ZNF878: variants seen among roughly 807,000 people sequenced by gnomAD.
ZNF878 encodes zinc finger protein 878.
A neutral mutation model predicts 11.1 loss-of-function variants in ZNF878; 10 were observed. That is an observed-to-expected ratio of 0.90 (90% CI 0.56 to 1.53). The LOEUF is 1.53. ZNF878 is among the 40% of genes most tolerant of loss of function. The probability of loss-of-function intolerance (pLI) is 0.00; values close to 1 mark genes in which losing one functional copy is unlikely to be tolerated. For synonymous variants in ZNF878, 165 were observed against 209.7 expected (o/e 0.79, Z 1.84); for missense variants, 548 against 626.1 (o/e 0.88, Z 1.33).
chr19:12,048,214 T>TA (rs759364780), intron 1 of ZNF878, among the ~76,000 whole-genome samples: 100 of 152,120 alleles, frequency 6.6e-4, no homozygotes, highest in Non-Finnish European at 1.1e-3. Context: ...TACTTTGTGA[T>TA]AAAAGAAAAT....
intron 1 of ZNF878, among the ~76,000 whole-genome samples, chr19:12,050,285 A>T (rs1056409606): frequency 2.6e-5 from 4 of 152,122 alleles, no homozygotes; most frequent in African/African-American, 9.7e-5. Flanking sequence ...GAACACTAAG[A>T]CCCTTCACAA....
downstream of ZNF878, chr19:12,043,688 G>T: frequency 9.8e-7 from 1 of 1,021,586 alleles, no homozygotes; most frequent in Non-Finnish European, 1.4e-6. Flanking sequence ...CAATCCTCCT[G>T]CCTTGGCTTC....
In ZNF878 at chr19:12,045,006, A is replaced by G. The variant is rs1333502324; in HGVS notation, c.395T>C (p.Ile132Thr). 1.2e-6 allele frequency: 2 copies of G among 1,614,126 alleles called. No individual in the cohort carries two copies. The highest frequency in any genetic ancestry group is 4.5e-5 in the East Asian group (2 of 44,870). Residue 132 changes from isoleucine (I) to threonine (T), a missense_variant, in exon 4 of 4, where the codon ATA (isoleucine) becomes ACA (threonine). Physicochemically the swap from Ile to Thr is moderately conservative, Grantham distance 89. Transcript: ENST00000547628. ...RAFSYSSSLAIHGRTHTGEKP... is the reference protein window; with the variant it reads ...RAFSYSSSLATHGRTHTGEKP... ...TTCCCCAGTGTGAGTTCTTCCATGTATTGCAAGGCTACTGGAATAACTAAA... is the reference window on the plus strand; with the variant it reads ...TTCCCCAGTGTGAGTTCTTCCATGTGTTGCAAGGCTACTGGAATAACTAAA...
chr19:12,046,596 C>A (rs752321177), intron 2 of ZNF878, 38 bp downstream of exon 2: 2 of 1,613,288 alleles, frequency 1.2e-6, no homozygotes, highest in South Asian at 2.2e-5. Context: ...AACACCTGTT[C>A]TTTAATTCAC....
At position 12,046,739 on chromosome 19, in the gene ZNF878, C is replaced by T. The variant is rs1321259193; in HGVS notation, c.25G>A (p.Val9Met). The change falls in exon 2 of 4, where the codon GTG (valine) becomes ATG (methionine). Residue 9 changes from valine to methionine, a missense_variant. Coordinates refer to ENST00000547628, the MANE Select transcript of ZNF878 (RefSeq NM_001080404.3). MDSVAFED[V>M]AVNFTQEEWA... is the part of the protein sequence containing the mutation. ...TCCTCCTGGGTGAAGTTCACAGCCA[C>T]ATCCTCAAAGGCCACCGAATCCTGA... 6.2e-7 allele frequency: 1 copy of T among 1,614,048 alleles called. No homozygotes were observed. Among genetic ancestry groups the T allele is most frequent in the Non-Finnish European group, 8.5e-7 (1 of 1,179,978 alleles).
In ZNF878 at chr19:12,043,900, G is replaced by A. The variant is rs956910225; in HGVS notation, c.1501C>T (p.His501Tyr). The change falls in exon 4 of 4, where the codon CAT becomes TAT. Residue 501 changes from histidine to tyrosine, a missense_variant. Physicochemically the swap from His to Tyr is moderately conservative, Grantham distance 83 (BLOSUM62 2). Transcript: ENST00000547628. The part of the protein sequence containing the change: ...SNSFLYHERI[H>Y]TGEKPYECKQ... Reference sequence around the variant, plus strand: ...CACTCATAGGGTTTCTCTCCAGTATGAATCCTTTCATGGTAGAGAAAAGAG... The same window carrying A: ...CACTCATAGGGTTTCTCTCCAGTATAAATCCTTTCATGGTAGAGAAAAGAG... 3 of 1,613,982 alleles carry A rather than the reference G, an allele frequency of 1.9e-6. No individual in the cohort carries two copies. The highest frequency in any genetic ancestry group is 2.5e-6 in the Non-Finnish European group (3 of 1,180,012).
At position 12,045,208 on chromosome 19, in the gene ZNF878, T is replaced by G. The variant is rs1459143643; in HGVS notation, c.193A>C (p.Arg65=). The change falls in exon 4 of 4, where the codon AGA becomes CGA. Residue 65 remains arginine, a splice_region_variant and synonymous_variant. Coordinates refer to ENST00000547628, the MANE Select transcript of ZNF878 (RefSeq NM_001080404.3). ...EHQNPRRNLR[R]LIGERLSESK... ...TCAGAGAGTCTCTCCCCTATAAGTC[T>G]TCTGTGAACAATGAAAGCACATTAT... is the stretch of plus-strand genomic sequence containing the variant. The G allele has an allele frequency of 1.3e-6, 2 of 1,589,836 alleles. No individual in the cohort carries two copies. Among genetic ancestry groups the G allele is most frequent in the Non-Finnish European group, 1.7e-6 (2 of 1,169,214 alleles).
At position 12,045,720 on chromosome 19, in the gene ZNF878, C is replaced by CTTTA. The variant is rs540524357; in HGVS notation, c.192-515_192-512dup. ...AATATTGATACAGGGATTTTAAATGCTTTATTTATTTATTTATTTATTTAT... is the reference window on the plus strand; with the variant it reads ...AATATTGATACAGGGATTTTAAATGCTTTATTTATTTATTTATTTATTTATTTAT... On this transcript the variant is annotated intron_variant, in intron 3 of 3. Coordinates refer to ENST00000547628, the MANE Select transcript of ZNF878 (RefSeq NM_001080404.3). 2.4e-3 allele frequency among the ~76,000 whole-genome samples: 368 copies of CTTTA among 151,920 alleles called. 3 individuals carry two copies. Among genetic ancestry groups the CTTTA allele is most frequent in the South Asian group, 0.011 (55 of 4,800 alleles).
chr19:12,044,004 A>G lies in ZNF878; in HGVS notation c.1397T>C (p.Ile466Thr). ...AGTGTGAGTCCTTTTATGATAGCGA[A>G]TAGAATTAGAAGAAATGAAGGCTTT... ...CGKAFISSNS[I>T]RYHKRTHTGE... is the part of the protein sequence containing the mutation. The change falls in exon 4 of 4, where the codon ATT becomes ACT. Residue 466 changes from isoleucine (I) to threonine (T), a missense_variant. Physicochemically the swap from Ile to Thr is moderately conservative, Grantham distance 89. This residue lies in a region of ZNF878 where 335 missense variants were observed against 358.2 expected (regional missense o/e 0.94). Transcript: ENST00000547628. 1.2e-6 allele frequency: 2 copies of G among 1,610,640 alleles called. No homozygotes were observed. The highest frequency in any genetic ancestry group is 1.3e-5 in the African/African-American group (1 of 74,910).
Position 12,052,829 on chromosome 19 carries a change from C to A in ZNF878, c.-28G>T. 1 of 1,535,974 alleles carries A rather than the reference C, an allele frequency of 6.5e-7. No individual in the cohort carries two copies. Among genetic ancestry groups the A allele is most frequent in the South Asian group, 1.2e-5 (1 of 84,052 alleles). ...CCTGGCTTCCAGGTATTCTGGCGTC[C>A]TCTCTAAAGGTCCCGTGAACAGTGC... On this transcript the variant is annotated 5_prime_UTR_variant, in exon 1 of 4. In the 5' UTR this introduces an upstream ATG that the reference lacks. Coordinates refer to ENST00000547628, the MANE Select transcript of ZNF878 (RefSeq NM_001080404.3).
chr19:12,044,305 G>C lies in ZNF878; in HGVS notation c.1096C>G (p.Pro366Ala). Residue 366 changes from proline (P) to alanine (A), a missense_variant, in exon 4 of 4, where the codon CCC (proline) becomes GCC (alanine). By Grantham distance (27) the Pro-to-Ala change is conservative. Coordinates refer to ENST00000547628, the MANE Select transcript of ZNF878 (RefSeq NM_001080404.3). ...IHERTHTGEK[P>A]FECKQCGKTF... ...TTCCCACATTGTTTACATTCAAAGG[G>C]TTTCTCTCCAGTGTGTGTCCTTTCA... The C allele has an allele frequency of 2.5e-6, 4 of 1,612,860 alleles. No homozygotes were observed. The highest frequency in any genetic ancestry group is 3.4e-6 in the Non-Finnish European group (4 of 1,179,132).
intron 3 of ZNF878, 28 bp from the exon 4 acceptor site, chr19:12,045,237 G>C: frequency 1.3e-6 from 2 of 1,516,788 alleles, no homozygotes; most frequent in Non-Finnish European, 1.8e-6. Context: ...ACATTATAAT[G>C]GGTTTATCAC....
At chr19:12,045,895 A>ATTTTTT (rs937858093) in intron 3 of ZNF878, among the ~76,000 whole-genome samples, 8 of 151,580 alleles carry the variant, frequency 5.3e-5, no homozygotes, top group African/African-American at 1.9e-4. Flanking sequence ...AATTTCTCGT[A>ATTTTTT]TTTTTAGTAG....
At chr19:12,046,102 C>T (rs1975483697) in intron 3 of ZNF878, 1 of 402,158 alleles carries the variant, frequency 2.5e-6, no homozygotes, top group South Asian at 7.0e-5. Context: ...GGGTCTCACC[C>T]TGTGGCCCAG....
intron 1 of ZNF878, among the ~76,000 whole-genome samples, 197 bp from the exon 2 acceptor site, chr19:12,046,957 C>T (rs966603062): frequency 1.3e-5 from 2 of 152,126 alleles, no homozygotes; most frequent in Admixed American, 6.6e-5. Flanking sequence ...GAGTTGAACT[C>T]TGGATGGGGT....
chr19:12,052,659 G>T, intron 1 of ZNF878, 140 bp downstream of exon 1: 1 of 1,068,708 alleles, frequency 9.4e-7, no homozygotes. Flanking sequence ...CGAGGGGACC[G>T]AGGGCCGAGC....
At chr19:12,049,708 T>C (rs1219637881) in intron 1 of ZNF878, among the ~76,000 whole-genome samples, 3 of 150,122 alleles carry the variant, frequency 2.0e-5, no homozygotes, top group Non-Finnish European at 4.4e-5. Flanking sequence ...AGGTGGAGGT[T>C]GCAGTGAGCT....
intron 1 of ZNF878, among the ~76,000 whole-genome samples, chr19:12,049,781 A>AG (rs1198948402): frequency 1.3e-5 from 2 of 152,024 alleles, no homozygotes; most frequent in African/African-American, 4.8e-5. Context: ...AAAAAAAAAA[A>AG]GAATAACCAA....
At position 12,044,473 on chromosome 19, in the gene ZNF878, G is replaced by T. The variant is rs776386296; in HGVS notation, c.928C>A (p.Pro310Thr). Reference sequence around the variant, plus strand: ...TTACCACATAGCTTACACTCATAGGGTTTCTCTCCAGTGTGTTTTCTTTCA... The same window carrying T: ...TTACCACATAGCTTACACTCATAGGTTTTCTCTCCAGTGTGTTTTCTTTCA... ...VHERKHTGEK[P>T]YECKLCGKGF... The change falls in exon 4 of 4, where the codon CCC becomes ACC. Residue 310 changes from proline (P) to threonine (T), a missense_variant. Transcript: ENST00000547628. 6.2e-7 allele frequency: 1 copy of T among 1,613,738 alleles called. No homozygotes were observed. The highest frequency in any genetic ancestry group is 1.3e-5 in the African/African-American group (1 of 74,806).
Sources: gnomAD v4.1 joint callset for allele counts (sites outside exome capture counted in the v4.1 genomes callset) on GRCh38, gnomAD v4.1.1 for gene constraint, gnomAD v4.1.1 regional missense constraint, MANE v1.5 for transcripts, NCBI Gene and HGNC (gene_info 2026-07-23, HGNC 2026-07-21) for gene names.